Variants in ARL15 observed in about 807,000 individuals in gnomAD.
The protein encoded by ARL15 is ADP-ribosylation factor-like protein 15.
ARL15 carries 19 observed loss-of-function variants against 25.2 expected under a neutral mutation model. That is an observed-to-expected ratio of 0.75 (90% CI 0.53 to 1.10). The LOEUF is 1.10. ARL15 is among the 50% of genes least tolerant of loss of function. The pLI, the probability that ARL15 is intolerant of heterozygous loss-of-function variation, is 0.00. For missense variants in ARL15, 220 were observed against 246.0 expected (o/e 0.89, Z 0.71); for synonymous variants, 94 against 86.8 (o/e 1.08, Z -0.46).
intron 1 of ARL15, among the ~76,000 whole-genome samples, chr5:54,192,093 C>T (rs898443063): frequency 3.9e-5 from 6 of 152,114 alleles, no homozygotes; most frequent in Non-Finnish European, 8.8e-5. Flanking sequence ...AACTTCAGGA[C>T]CTTTGCACTT....
Position 53,961,495 on chromosome 5 carries a change from CAAAAAAAAAAAA to C in ARL15, c.463-74794_463-74783del, listed in dbSNP as rs10589852. On this transcript the variant is annotated intron_variant, in intron 4 of 4. Coordinates refer to ENST00000504924, the MANE Select transcript of ARL15 (RefSeq NM_019087.3). ...TCTGGGTGACAGAGAGACTCTGTCT[CAAAAAAAAAAAA>C]AAAAAAAAAAAAATCATTCCCATTG... Among the ~76,000 whole-genome samples, 213 of 68,892 alleles carry C rather than the reference CAAAAAAAAAAAA, an allele frequency of 3.1e-3. 1 individual carries two copies. The highest frequency in any genetic ancestry group is 3.7e-3 in the Non-Finnish European group (132 of 35,890). 45.2% of individuals were successfully genotyped at this position (68,892 alleles called of 152,430 possible).
chr5:54,266,602 A>G (rs533822232), intron 1 of ARL15, among the ~76,000 whole-genome samples: 2 of 152,268 alleles, frequency 1.3e-5, no homozygotes, highest in Non-Finnish European at 2.9e-5. Flanking sequence ...CTGGGTTTAT[A>G]CATGGGGCTG....
chr5:54,294,282 C>T (rs2112696705), intron 1 of ARL15, among the ~76,000 whole-genome samples: 1 of 152,332 alleles, frequency 6.6e-6, no homozygotes, highest in Middle Eastern at 3.4e-3. Context: ...GAAACACAAC[C>T]ACAGCCATCT....
chr5:54,270,116 T>G (rs948058796), intron 1 of ARL15, among the ~76,000 whole-genome samples: 3 of 152,230 alleles, frequency 2.0e-5, no homozygotes, highest in Non-Finnish European at 2.9e-5. Flanking sequence ...TTCTTCTTAA[T>G]TATGTAACAA....
intron 1 of ARL15, among the ~76,000 whole-genome samples, chr5:54,239,691 TC>T (rs1398899258): frequency 6.6e-6 from 1 of 152,188 alleles, no homozygotes; most frequent in Non-Finnish European, 1.5e-5. Flanking sequence ...TATTTTTTGC[TC>T]TTCTTCCTTT....
chr5:53,948,604 A>G (rs1027790500), intron 4 of ARL15, among the ~76,000 whole-genome samples: 5 of 152,234 alleles, frequency 3.3e-5, no homozygotes, highest in Admixed American at 6.5e-5. Flanking sequence ...CAAATTTCCA[A>G]AACAACTACA....
chr5:53,923,831 C>T (rs968266370), intron 4 of ARL15, among the ~76,000 whole-genome samples: 2 of 152,020 alleles, frequency 1.3e-5, no homozygotes, highest in African/African-American at 2.4e-5. Flanking sequence ...CGCCACTGCA[C>T]TCCAGCCTGG....
chr5:53,904,565 C>A (rs1378958323), intron 4 of ARL15, among the ~76,000 whole-genome samples: 1 of 151,976 alleles, frequency 6.6e-6, no homozygotes, highest in African/African-American at 2.4e-5. Flanking sequence ...CTTATAGTTC[C>A]ATTTTAAAGA....
chr5:54,224,782 G>C (rs1020313516), intron 1 of ARL15, among the ~76,000 whole-genome samples: 1 of 152,048 alleles, frequency 6.6e-6, no homozygotes, highest in African/African-American at 2.4e-5. Flanking sequence ...ACTTTTTGTG[G>C]TCTTTTAAAA....
intron 1 of ARL15, among the ~76,000 whole-genome samples, chr5:54,220,203 T>G (rs1756332193): frequency 6.6e-6 from 1 of 152,238 alleles, no homozygotes; most frequent in East Asian, 1.9e-4. Context: ...TGTTACCATA[T>G]GTAGACACTT....
intron 3 of ARL15, among the ~76,000 whole-genome samples, chr5:54,134,394 G>A (rs1221813971): frequency 1.3e-5 from 2 of 151,966 alleles, no homozygotes; most frequent in Non-Finnish European, 2.9e-5. Flanking sequence ...CCCCAAATTC[G>A]TGGATTTGTG....
At chr5:54,220,854 T>G (rs1756352927) in intron 1 of ARL15, among the ~76,000 whole-genome samples, 1 of 152,070 alleles carries the variant, frequency 6.6e-6, no homozygotes, top group Middle Eastern at 3.2e-3. Flanking sequence ...CGTGGTGAGA[T>G]CCGCAGTGCC....
At chr5:54,054,647 G>A (rs1045769446) in intron 4 of ARL15, among the ~76,000 whole-genome samples, 15 of 152,170 alleles carry the variant, frequency 9.9e-5, no homozygotes, top group East Asian at 5.8e-4. Context: ...AAAATTAGCC[G>A]GGCGTGGCAG....
At chr5:53,968,938 G>A (rs1052629087) in intron 4 of ARL15, among the ~76,000 whole-genome samples, 9 of 151,560 alleles carry the variant, frequency 5.9e-5, no homozygotes, top group Non-Finnish European at 1.3e-4. Flanking sequence ...ACCTGAGGTC[G>A]GGAGTTCGAG....
intron 1 of ARL15, among the ~76,000 whole-genome samples, chr5:54,288,343 C>T (rs1365718615): frequency 2.6e-5 from 4 of 152,240 alleles, no homozygotes; most frequent in African/African-American, 7.2e-5. Context: ...CTTTCACCAT[C>T]CAGCTATCTG....
chr5:53,959,115 A>G (rs10940351), intron 4 of ARL15, among the ~76,000 whole-genome samples: 110,710 of 152,060 alleles, frequency 0.73, 40,409 homozygotes, highest in Middle Eastern at 0.87. Flanking sequence ...CCTTCTTCTC[A>G]AGTGCATGTG....
chr5:53,981,775 C>T (rs1391523758), intron 4 of ARL15, among the ~76,000 whole-genome samples: 1 of 151,612 alleles, frequency 6.6e-6, no homozygotes, highest in East Asian at 1.9e-4. Flanking sequence ...GGTGCATGCC[C>T]ATAATCCCAG....
rs143469547 is a variant in ARL15, at chr5:54,254,296, T to C, written c.48+56136A>G. Among the ~76,000 whole-genome samples, 280 of 152,320 alleles carry C rather than the reference T, an allele frequency of 1.8e-3. 4 individuals are homozygous for C. The highest frequency in any genetic ancestry group is 3.8e-4 in the Non-Finnish European group (26 of 68,032). ...ACTCACATTTTGTAACCTTGGGTAC[T>C]TGCTATATAGCTTGTCTACACAAGC... On this transcript the variant is annotated intron_variant, in intron 1 of 4. Transcript: ENST00000504924.
intron 1 of ARL15, among the ~76,000 whole-genome samples, chr5:54,209,782 T>C (rs1755985063): frequency 6.6e-6 from 1 of 152,188 alleles, no homozygotes; most frequent in East Asian, 1.9e-4. Flanking sequence ...GAACAGTTAC[T>C]TGCAAAGTCA....
Sources: gnomAD v4.1 joint callset for allele counts (sites outside exome capture counted in the v4.1 genomes callset) on GRCh38, gnomAD v4.1.1 for gene constraint, MANE v1.5 for transcripts, NCBI Gene and HGNC (gene_info 2026-07-23, HGNC 2026-07-21) for gene names.